Variants in KBTBD12 observed in about 807,000 individuals in gnomAD.
KBTBD12 encodes kelch repeat and BTB domain containing 12.
KBTBD12 carries 53 observed loss-of-function variants against 58.7 expected under a neutral mutation model. That is an observed-to-expected ratio of 0.90 (90% confidence interval 0.72 to 1.14). The LOEUF is 1.14. Ranked by LOEUF, KBTBD12 falls within the 50% of genes most tolerant of loss-of-function variation. The probability of loss-of-function intolerance (pLI) is 0.00; values close to 1 mark genes in which losing one functional copy is unlikely to be tolerated. For missense variants in KBTBD12, 704 were observed against 751.3 expected, an observed-to-expected ratio of 0.94 and a Z score of 0.74; for synonymous variants, 236 against 259.8, an observed-to-expected ratio of 0.91 and a Z score of 0.88.
chr3:127,943,284 C>T (rs1390575544), intron 4 of KBTBD12, among the ~76,000 whole-genome samples: 2 of 152,066 alleles, frequency 1.3e-5, no homozygotes, highest in African/African-American at 4.8e-5. Flanking sequence ...CCATAATGGC[C>T]ATACCAATTT....
chr3:127,984,090 T>G lies in KBTBD12; in HGVS notation c.1691-7T>G, dbSNP rs1458649422. 2.5e-6 allele frequency: 4 copies of G among 1,611,364 alleles called. No homozygotes were observed. Among genetic ancestry groups the G allele is most frequent in the Non-Finnish European group, 3.4e-6 (4 of 1,178,564 alleles). ...GATTTTTGTCTTCCCACTTTGCTGT[T>G]TTTCAGATCGCCATGAGGTTATCTC... On this transcript the variant is annotated splice_polypyrimidine_tract_variant and splice_region_variant and intron_variant, in intron 5 of 5. Coordinates refer to ENST00000405109, the MANE Select transcript of KBTBD12 (RefSeq NM_207335.4).
intron 2 of KBTBD12, among the ~76,000 whole-genome samples, chr3:127,927,095 G>A (rs1256013803): frequency 6.6e-6 from 1 of 152,084 alleles, no homozygotes; most frequent in African/African-American, 2.4e-5. Flanking sequence ...ATATACTAAT[G>A]TCCCTAGTTC....
At chr3:127,979,771 C>T (rs1039145853) in intron 5 of KBTBD12, among the ~76,000 whole-genome samples, 2 of 152,118 alleles carry the variant, frequency 1.3e-5, no homozygotes, top group Non-Finnish European at 2.9e-5. Context: ...ATATAGAATC[C>T]TCTGCCAAGC....
At chr3:127,975,047 T>C (rs1353967246) in intron 5 of KBTBD12, among the ~76,000 whole-genome samples, 11 of 152,264 alleles carry the variant, frequency 7.2e-5, no homozygotes, top group Admixed American at 7.2e-4. Context: ...AGGCTTTGAG[T>C]GCAAATAGTT....
intron 1 of KBTBD12, among the ~76,000 whole-genome samples, chr3:127,922,476 G>A (rs1449930575): frequency 2.0e-5 from 3 of 152,044 alleles, no homozygotes; most frequent in East Asian, 1.9e-4. Flanking sequence ...CTCTTCCAGG[G>A]TATATTGTAC....
intron 4 of KBTBD12, among the ~76,000 whole-genome samples, chr3:127,961,345 G>A (rs1940435032): frequency 6.6e-6 from 1 of 152,168 alleles, no homozygotes; most frequent in Non-Finnish European, 1.5e-5. Context: ...CCCCTCCTTG[G>A]AAACGCTGCA....
At chr3:127,965,887 C>A (rs1257026535) in intron 5 of KBTBD12, among the ~76,000 whole-genome samples, 1 of 152,048 alleles carries the variant, frequency 6.6e-6, no homozygotes, top group Non-Finnish European at 1.5e-5. Flanking sequence ...ACAGAAAAAA[C>A]AAAAAACAAA....
At chr3:127,968,764 G>A (rs1462730999) in intron 5 of KBTBD12, among the ~76,000 whole-genome samples, 4 of 151,084 alleles carry the variant, frequency 2.6e-5, no homozygotes, top group South Asian at 2.1e-4. Context: ...TATATACCTC[G>A]GAACTTAAAA....
intron 4 of KBTBD12, among the ~76,000 whole-genome samples, chr3:127,942,576 T>C (rs973742166): frequency 2.1e-4 from 32 of 151,016 alleles, no homozygotes; most frequent in African/African-American, 7.5e-4. Flanking sequence ...TTTCTATATC[T>C]TGACTATTGT....
intron 4 of KBTBD12, among the ~76,000 whole-genome samples, chr3:127,960,209 G>T (rs569779149): frequency 6.6e-6 from 1 of 152,222 alleles, no homozygotes; most frequent in East Asian, 1.9e-4. Flanking sequence ...GGGAGGAGAG[G>T]TTCACTCCTG....
chr3:127,921,855 A>G (rs909241478), intron 1 of KBTBD12, among the ~76,000 whole-genome samples: 4 of 152,140 alleles, frequency 2.6e-5, no homozygotes, highest in Non-Finnish European at 5.9e-5. Flanking sequence ...AAACAGGACC[A>G]TTTCACTTCT....
Position 127,923,967 on chromosome 3 carries a change from TC to T in KBTBD12, c.908del (p.Pro303LeufsTer18). On this transcript the variant is annotated frameshift_variant, in exon 2 of 6. Coordinates refer to ENST00000405109, the MANE Select transcript of KBTBD12 (RefSeq NM_207335.4). LOFTEE classifies it high-confidence loss of function. ...SYGDASFCYD[P>X]VSRKTYFISS... ...ATGGGGATGCCAGTTTTTGTTATGA[TC>T]CTGTATCACGGAAAACCTATTTCAT... is the stretch of plus-strand genomic sequence containing the variant. The T allele has an allele frequency of 6.2e-7, 1 of 1,613,902 alleles. No homozygotes were observed. Among genetic ancestry groups the T allele is most frequent in the Non-Finnish European group, 8.5e-7 (1 of 1,179,842 alleles).
At chr3:127,945,378 G>T (rs1287166715) in intron 4 of KBTBD12, among the ~76,000 whole-genome samples, 6 of 150,784 alleles carry the variant, frequency 4.0e-5, no homozygotes, top group African/African-American at 7.3e-5. Flanking sequence ...TAGAGACAGG[G>T]TTTCACCCTG....
At chr3:127,917,565 A>G (rs1038828889) in intron 1 of KBTBD12, among the ~76,000 whole-genome samples, 3 of 152,132 alleles carry the variant, frequency 2.0e-5, no homozygotes, top group African/African-American at 7.2e-5. Context: ...TGAAAGTCCC[A>G]ATGCTCTAAT....
chr3:127,959,178 G>A (rs145600814), intron 4 of KBTBD12, among the ~76,000 whole-genome samples: 9 of 152,326 alleles, frequency 5.9e-5, no homozygotes, highest in Admixed American at 2.0e-4. Flanking sequence ...TATATTAGCA[G>A]TGAATAGATC....
At chr3:127,950,297 A>C (rs1940175967) in intron 4 of KBTBD12, among the ~76,000 whole-genome samples, 1 of 152,188 alleles carries the variant, frequency 6.6e-6, no homozygotes, top group Non-Finnish European at 1.5e-5. Flanking sequence ...GAAGAAGGAG[A>C]TAGAAGGGCC....
intron 4 of KBTBD12, among the ~76,000 whole-genome samples, chr3:127,931,785 G>GA (rs1166683418): frequency 6.6e-6 from 1 of 152,064 alleles, no homozygotes; most frequent in African/African-American, 2.4e-5. Flanking sequence ...CATGCTCCAG[G>GA]AAAAGGTGCA....
At chr3:127,945,756 A>G (rs1039877328) in intron 4 of KBTBD12, among the ~76,000 whole-genome samples, 1 of 147,690 alleles carries the variant, frequency 6.8e-6, no homozygotes, top group African/African-American at 2.5e-5. Flanking sequence ...TTGGCTTACT[A>G]CAACCTCCGC....
At chr3:127,982,055 C>T (rs1004728486) in intron 5 of KBTBD12, among the ~76,000 whole-genome samples, 9 of 152,194 alleles carry the variant, frequency 5.9e-5, no homozygotes, top group African/African-American at 2.2e-4. Flanking sequence ...CACCCCTACC[C>T]TTCCCCACCT....
Sources: gnomAD v4.1 joint callset for allele counts (sites outside exome capture counted in the v4.1 genomes callset) on GRCh38, gnomAD v4.1.1 for gene constraint, MANE v1.5 for transcripts, NCBI Gene and HGNC (gene_info 2026-07-23, HGNC 2026-07-21) for gene names.